APOBR: variants seen among roughly 807,000 people sequenced by gnomAD.
APOBR encodes apoB-48R.
APOBR carries 57 observed loss-of-function variants against 88.5 expected under a neutral mutation model. That is an observed-to-expected ratio of 0.64 (90% CI 0.52 to 0.80). APOBR has a LOEUF of 0.80. Ranked by LOEUF, APOBR falls within the 30% of genes least tolerant of loss-of-function variation. APOBR has a pLI of 0.00. For synonymous variants in APOBR, 588 were observed against 572.7 expected, an observed-to-expected ratio of 1.03 and a Z score of -0.38; for missense variants, 1,443 against 1,401.6, an observed-to-expected ratio of 1.03 and a Z score of -0.47.
Position 28,497,586 on chromosome 16 carries a change from G to A in APOBR, c.2545G>A (p.Ala849Thr), listed in dbSNP as rs765777993. 1.5e-5 allele frequency: 24 copies of A among 1,604,484 alleles called. No individual in the cohort carries two copies. The highest frequency in any genetic ancestry group is 8.0e-5 in the African/African-American group (6 of 74,816). The change falls in exon 2 of 4, where the codon GCA (alanine) becomes ACA (threonine). Residue 849 changes from alanine to threonine, a missense_variant. Physicochemically the swap from Ala to Thr is moderately conservative, Grantham distance 58. Transcript: ENST00000564831. ...GRVEAEESAG[A>T]EDSCGLDPAG... Reference sequence around the variant, plus strand: ...GGTAGAGGCCGAGGAATCTGCAGGCGCAGAGGACAGCTGTGGGCTGGATCC... The same window carrying A: ...GGTAGAGGCCGAGGAATCTGCAGGCACAGAGGACAGCTGTGGGCTGGATCC...
At chr16:28,498,390 C>T (rs771610685) in intron 3 of APOBR, 41 bp downstream of exon 3, 278 of 1,597,648 alleles carry the variant, frequency 1.7e-4, no homozygotes, top group Non-Finnish European at 1.9e-4. Context: ...GAAGAGACCG[C>T]GGGCACCTGG....
At position 28,498,478 on chromosome 16, in the gene APOBR, C is replaced by T. The variant is rs1038847034; in HGVS notation, c.3267C>T (p.Ala1089=). The T allele has an allele frequency of 1.2e-6, 2 of 1,601,668 alleles. 1 individual carries two copies. The highest frequency in any genetic ancestry group is 2.3e-5 in the South Asian group (2 of 88,592). Residue 1089 remains alanine, a synonymous_variant, in exon 4 of 4, where the codon GCC becomes GCT. Transcript: ENST00000564831. ...CTGGCATGATGCAGGAGCTGCAAGC[C>T]CGTCTGGGCCGGCCTAAGCCCCAGT... is the stretch of plus-strand genomic sequence containing the variant. ...AHPGMMQELQ[A]RLGRPKPQ is the part of the protein sequence containing the mutation.
Position 28,498,283 on chromosome 16 carries a change from T to C in APOBR, c.3158T>C (p.Leu1053Pro). 2 of 1,604,082 alleles carry C rather than the reference T, an allele frequency of 1.2e-6. No homozygotes were observed. The highest frequency in any genetic ancestry group is 1.7e-5 in the Admixed American group (1 of 58,322). ...AGACCCCTCCAGCTGGAGGAACCCCTGGAGCCAAGCCCTCTGAGGCATGAT... is the reference window on the plus strand; with the variant it reads ...AGACCCCTCCAGCTGGAGGAACCCCCGGAGCCAAGCCCTCTGAGGCATGAT... ...EQRPLQLEEP[L>P]EPSPLRHDGT... is the part of the protein sequence containing the mutation. The change falls in exon 3 of 4, where the codon CTG becomes CCG. Residue 1053 changes from leucine to proline, a missense_variant. Physicochemically the swap from Leu to Pro is moderately conservative, Grantham distance 98. Transcript: ENST00000564831.
intron 1 of APOBR, 67 bp downstream of exon 1, chr16:28,494,805 C>A (rs1307586837): frequency 1.4e-5 from 20 of 1,459,758 alleles, no homozygotes; most frequent in Non-Finnish European, 1.9e-5. Context: ...CCGGGCACCT[C>A]CCCTGGGGCC....
Position 28,495,577 on chromosome 16 carries a change from A to G in APOBR, c.536A>G (p.Glu179Gly), listed in dbSNP as rs748410263. The G allele has an allele frequency of 9.6e-6, 15 of 1,562,542 alleles. No homozygotes were observed. The highest frequency in any genetic ancestry group is 1.3e-5 in the Non-Finnish European group (15 of 1,153,204). ...REERLRSWEQ[E>G]EEEEEVRARE... Reference sequence around the variant, plus strand: ...GAGAGGCTGAGAAGCTGGGAACAGGAGGAGGAGGAGGAAGAGGTCAGGGCA... The same window carrying G: ...GAGAGGCTGAGAAGCTGGGAACAGGGGGAGGAGGAGGAAGAGGTCAGGGCA... The change falls in exon 2 of 4, where the codon GAG (glutamate) becomes GGG (glycine). Residue 179 changes from glutamate (E) to glycine (G), a missense_variant. By Grantham distance (98) the Glu-to-Gly change is moderately conservative. Coordinates refer to ENST00000564831, the MANE Select transcript of APOBR (RefSeq NM_018690.4).
Position 28,496,664 on chromosome 16 carries a change from G to A in APOBR, c.1623G>A (p.Gln541=), listed in dbSNP as rs771060246. 18 of 1,605,606 alleles carry A rather than the reference G, an allele frequency of 1.1e-5. No homozygotes were observed. Among genetic ancestry groups the A allele is most frequent in the Non-Finnish European group, 1.4e-5 (16 of 1,175,634 alleles). ...CAGGGGAGGAGAGTGAGGCGGCCCA[G>A]ACTAGCTGTGGCCTACTGGGCGTGG... ...ELTGEESEAA[Q]TSCGLLGVEW... Residue 541 remains glutamine (Q), a synonymous_variant, in exon 2 of 4, where the codon CAG becomes CAA. Transcript: ENST00000564831.
In APOBR at chr16:28,498,897, G is replaced by A. The variant is rs1387298741; in HGVS notation, c.*392G>A. On this transcript the variant is annotated 3_prime_UTR_variant, in exon 4 of 4. Transcript: ENST00000564831. ...CAGGAGTTCGAGACCAGCCTGGGCA[G>A]CATAGCAAGATCCCCATCTTTTAAA... 3 of 543,376 alleles carry A rather than the reference G, an allele frequency of 5.5e-6. No individual in the cohort carries two copies. The highest frequency in any genetic ancestry group is 1.0e-5 in the Non-Finnish European group (3 of 288,372). The allele number at this position is 543,376 out of a possible 1,614,324, so 33.7% of individuals were successfully genotyped here. A position where few individuals can be genotyped will look rare whatever the true frequency, so the allele number is the denominator to read the frequency against.
chr16:28,496,368 C>G lies in APOBR; in HGVS notation c.1327C>G (p.Gln443Glu). 2 of 1,601,278 alleles carry G rather than the reference C, an allele frequency of 1.2e-6. No individual in the cohort carries two copies. The highest frequency in any genetic ancestry group is 1.7e-6 in the Non-Finnish European group (2 of 1,173,906). ...TERTEEAAES[Q>E]TAGREAVGGQ... The stretch of plus-strand genomic sequence containing the variant: ...AAGAACAGAAGAGGCTGCTGAGAGC[C>G]AGACCGCAGGGAGGGAAGCTGTGGG... The change falls in exon 2 of 4, where the codon CAG becomes GAG. Residue 443 changes from glutamine (Q) to glutamate (E), a missense_variant. Physicochemically the swap from Gln to Glu is conservative, Grantham distance 29. Coordinates refer to ENST00000564831, the MANE Select transcript of APOBR (RefSeq NM_018690.4).
At position 28,495,678 on chromosome 16, in the gene APOBR, G is replaced by A. The variant is rs377495445; in HGVS notation, c.637G>A (p.Val213Ile). Residue 213 changes from valine to isoleucine, a missense_variant, in exon 2 of 4, where the codon GTT (valine) becomes ATT (isoleucine). Val to Ile is a conservative substitution (Grantham distance 29). Coordinates refer to ENST00000564831, the MANE Select transcript of APOBR (RefSeq NM_018690.4). ...HGETEGKAGA[V>I]GPKAAGDNRE... The stretch of plus-strand genomic sequence containing the variant: ...GGAGACGGAGGGGAAGGCTGGTGCT[G>A]TTGGGCCAAAGGCGGCAGGGGACAA... 7.1e-6 allele frequency: 11 copies of A among 1,539,144 alleles called. No individual in the cohort carries two copies. Among genetic ancestry groups the A allele is most frequent in the Admixed American group, 2.0e-5 (1 of 49,768 alleles).
Position 28,498,606 on chromosome 16 carries a change from C to A in APOBR, c.*101C>A. 1.5e-6 allele frequency: 2 copies of A among 1,328,504 alleles called. No individual in the cohort carries two copies. The highest frequency in any genetic ancestry group is 2.1e-6 in the Non-Finnish European group (2 of 973,996). 82.3% of individuals were successfully genotyped at this position (1,328,504 alleles called of 1,614,324 possible). A position where few individuals can be genotyped will look rare whatever the true frequency, so the allele number is the denominator to read the frequency against. On this transcript the variant is annotated 3_prime_UTR_variant, in exon 4 of 4. Transcript: ENST00000564831. The stretch of plus-strand genomic sequence containing the variant: ...CCCTCTGCCACTGTGGACACATCCT[C>A]TCCACCCTCTGGGCCTCAGTGTCTT...
Position 28,496,151 on chromosome 16 carries a change from C to A in APOBR, c.1110C>A (p.Asp370Glu). ...GEEAGTASGG[D>E]EAWTTSGKEE... ...AGGCCGGGACAGCCTCAGGAGGGGA[C>A]GAGGCCTGGACAACCTCAGGCAAAG... is the stretch of plus-strand genomic sequence containing the variant. Residue 370 changes from aspartate to glutamate, a missense_variant, in exon 2 of 4, where the codon GAC (aspartate) becomes GAA (glutamate). Asp to Glu is a conservative substitution (Grantham distance 45, BLOSUM62 2). Transcript: ENST00000564831. 3 of 1,505,766 alleles carry A rather than the reference C, an allele frequency of 2.0e-6. No homozygotes were observed. The highest frequency in any genetic ancestry group is 2.7e-6 in the Non-Finnish European group (3 of 1,129,028). The allele number at this position is 1,505,766 out of a possible 1,614,324, so 93.3% of individuals were successfully genotyped here. A position where few individuals can be genotyped will look rare whatever the true frequency, so the allele number is the denominator to read the frequency against.
At position 28,496,478 on chromosome 16, in the gene APOBR, G is replaced by A; in HGVS notation, c.1437G>A (p.Arg479=). ...EAEMRQDLGI[R]ADRARMEELV... ...AGATGAGGCAGGACTTGGGGATCAGGGCCGACCGGGCCAGGATGGAAGAGC... is the reference window on the plus strand; with the variant it reads ...AGATGAGGCAGGACTTGGGGATCAGAGCCGACCGGGCCAGGATGGAAGAGC... Residue 479 remains arginine, a synonymous_variant, in exon 2 of 4, where the codon AGG becomes AGA. Transcript: ENST00000564831. 2.5e-6 allele frequency: 4 copies of A among 1,606,064 alleles called. No homozygotes were observed. The highest frequency in any genetic ancestry group is 3.4e-6 in the Non-Finnish European group (4 of 1,176,166).
rs201857915 is a variant in APOBR, at chr16:28,498,041, G to A, written c.2956-40G>A. 7.0e-4 allele frequency: 1,084 copies of A among 1,547,022 alleles called. 2 individuals are homozygous for A. The highest frequency in any genetic ancestry group is 8.3e-4 in the Non-Finnish European group (961 of 1,153,190). ...TCTCGGGGGGAACGAGTGGAATCCC[G>A]AAGCCGGCCCCATGGTCCTCTGTGC... On this transcript the variant is annotated intron_variant, in intron 2 of 3. Coordinates refer to ENST00000564831, the MANE Select transcript of APOBR (RefSeq NM_018690.4).
intron 1 of APOBR, 97 bp downstream of exon 1, chr16:28,494,835 T>C (rs770890603): frequency 1.1e-4 from 129 of 1,194,434 alleles, no homozygotes; most frequent in East Asian, 2.2e-4. Flanking sequence ...CCCTCCTCCT[T>C]CTGATCTCCT....
rs377240266 is a variant in APOBR, at chr16:28,498,161, C to T, written c.3036C>T (p.Arg1012=). 77 of 1,601,164 alleles carry T rather than the reference C, an allele frequency of 4.8e-5. No individual in the cohort carries two copies. The highest frequency in any genetic ancestry group is 1.3e-4 in the Admixed American group (8 of 59,712). The change falls in exon 3 of 4, where the codon CGC becomes CGT. Residue 1012 remains arginine (R), a synonymous_variant. Transcript: ENST00000564831. ...TCTCGAGAAGCTCCTCACAGCGTCGCTCCCGGCCCTCTTTTCGTCGGACTC... is the reference window on the plus strand; with the variant it reads ...TCTCGAGAAGCTCCTCACAGCGTCGTTCCCGGCCCTCTTTTCGTCGGACTC... The part of the protein sequence containing the change: ...VHLSRSSSQR[R]SRPSFRRTPA...
At position 28,495,338 on chromosome 16, in the gene APOBR, G is replaced by A. The variant is rs1249125554; in HGVS notation, c.297G>A (p.Gln99=). The change falls in exon 2 of 4, where the codon CAG becomes CAA. Residue 99 remains glutamine (Q), a synonymous_variant. Transcript: ENST00000564831. ...RHEVGSSAVE[Q]TWGWGDGSSH... ...AAGTGGGGAGCTCAGCTGTAGAACA[G>A]ACCTGGGGCTGGGGAGATGGCAGCT... is the stretch of plus-strand genomic sequence containing the variant. The A allele has an allele frequency of 1.9e-6, 3 of 1,557,112 alleles. No homozygotes were observed. In the South Asian group the frequency reaches 3.6e-5, roughly 19 times the overall value.
At position 28,496,438 on chromosome 16, in the gene APOBR, G is replaced by A. The variant is rs184121091; in HGVS notation, c.1397G>A (p.Arg466His). ...GESFEGQVDL[R>H]GKEAEMRQDL... The stretch of plus-strand genomic sequence containing the variant: ...AGCTTTGAGGGCCAGGTAGACCTGC[G>A]TGGTAAGGAGGCTGAGATGAGGCAG... Residue 466 changes from arginine (R) to histidine (H), a missense_variant, in exon 2 of 4, where the codon CGT (arginine) becomes CAT (histidine). Coordinates refer to ENST00000564831, the MANE Select transcript of APOBR (RefSeq NM_018690.4). 2.0e-5 allele frequency: 33 copies of A among 1,612,342 alleles called. No homozygotes were observed. Among genetic ancestry groups the A allele is most frequent in the East Asian group, 6.7e-5 (3 of 44,832 alleles).
In APOBR at chr16:28,497,391, G is replaced by C; in HGVS notation, c.2350G>C (p.Gly784Arg). Residue 784 changes from glycine to arginine, a missense_variant, in exon 2 of 4, where the codon GGG (glycine) becomes CGG (arginine). By Grantham distance (125) the Gly-to-Arg change is moderately radical. Coordinates refer to ENST00000564831, the MANE Select transcript of APOBR (RefSeq NM_018690.4). ...TGCTGGCGCTGGTGAAGCTTTGGAA[G>C]GGGTGCTTGGGCAAGGCTGGGACTC... Reference protein sequence around the residue: ...SAAGAGEALEGVLGQGWDSKE... With the variant: ...SAAGAGEALERVLGQGWDSKE... The C allele has an allele frequency of 1.9e-6, 3 of 1,612,806 alleles. No individual in the cohort carries two copies. Among genetic ancestry groups the C allele is most frequent in the Non-Finnish European group, 2.5e-6 (3 of 1,179,404 alleles).
chr16:28,498,702 C>CGACACAG lies in APOBR; in HGVS notation c.*199_*205dup, dbSNP rs1343171763. 12 of 663,368 alleles carry CGACACAG rather than the reference C, an allele frequency of 1.8e-5. No homozygotes were observed. In the East Asian group the frequency reaches 3.0e-4, roughly 17 times the overall value. 41.1% of individuals were successfully genotyped at this position (663,368 alleles called of 1,614,324 possible). On this transcript the variant is annotated 3_prime_UTR_variant, in exon 4 of 4. Coordinates refer to ENST00000564831, the MANE Select transcript of APOBR (RefSeq NM_018690.4). ...CGTGAACTTAAGGAGTCTGATTCTC[C>CGACACAG]GACACAGGCTGGTGGACCACCTACC...
Sources: gnomAD v4.1 joint callset for allele counts on GRCh38, gnomAD v4.1.1 for gene constraint, MANE v1.5 for transcripts, NCBI Gene and HGNC (gene_info 2026-07-23, HGNC 2026-07-21) for gene names.